The following C3orf85 variants were observed in gnomAD, a reference collection of about 807,000 sequenced individuals.
C3orf85 encodes chromosome 3 open reading frame 85.
A neutral mutation model predicts 1.7 loss-of-function variants in C3orf85; 1 was observed. The ratio of observed to expected loss-of-function variants is 0.60; its 90% confidence interval spans 0.21 to 2.86. The LOEUF (loss-of-function observed/expected upper bound fraction) is 2.86, where lower values mean the gene tolerates loss of function less well. C3orf85 is among the 30% of genes most tolerant of loss of function. The probability of loss-of-function intolerance (pLI) is 0.22; values close to 1 mark genes in which losing one functional copy is unlikely to be tolerated. For missense variants in C3orf85, 29 were observed against 21.3 expected (o/e 1.36, Z -0.72); for synonymous variants, 17 against 8.0 (o/e 2.13, Z -1.90).
At position 109,136,730 on chromosome 3, in the gene C3orf85, C is replaced by G. The variant is rs1025840306; in HGVS notation, c.-16C>G. ...CAGCCTCTCTCTGTGTCTCAGCTCA[C>G]AGGGCTTCCAGGTATGCAACAAATG... is the stretch of plus-strand genomic sequence containing the variant. On this transcript the variant is annotated 5_prime_UTR_variant, in exon 1 of 4. Transcript: ENST00000622536. 6.3e-5 allele frequency: 25 copies of G among 396,460 alleles called. 1 individual carries two copies. Among genetic ancestry groups the G allele is most frequent in the African/African-American group, 5.1e-4 (25 of 48,574 alleles). The allele number at this position is 396,460 out of a possible 1,614,324, so 24.6% of individuals were successfully genotyped here.
At chr3:109,148,680 A>G in intron 3 of C3orf85, 1 of 324,558 alleles carries the variant, frequency 3.1e-6, no homozygotes, top group Non-Finnish European at 5.7e-6. Context: ...ATAGCTCTCA[A>G]AATGTCAATT....
At chr3:109,146,956 C>A (rs1302268957) in intron 2 of C3orf85, among the ~76,000 whole-genome samples, 3 of 152,116 alleles carry the variant, frequency 2.0e-5, no homozygotes, top group Non-Finnish European at 4.4e-5. Flanking sequence ...TGGCATCTGT[C>A]ACTAATACCT....
At chr3:109,145,873 T>C (rs1706791932) in intron 2 of C3orf85, among the ~76,000 whole-genome samples, 1 of 152,164 alleles carries the variant, frequency 6.6e-6, no homozygotes, top group Admixed American at 6.5e-5. Context: ...CAACCCTGAA[T>C]CTTCCTTTGC....
chr3:109,140,303 G>A (rs1177644803), intron 2 of C3orf85, among the ~76,000 whole-genome samples: 1 of 152,190 alleles, frequency 6.6e-6, no homozygotes, highest in Non-Finnish European at 1.5e-5. Flanking sequence ...TGGACGAAAA[G>A]GAAAACGGTA....
chr3:109,137,076 G>GTGTGTA (rs754552457), intron 2 of C3orf85, among the ~76,000 whole-genome samples, 180 bp downstream of exon 2: 4 of 47,244 alleles, frequency 8.5e-5, no homozygotes, highest in African/African-American at 1.4e-4. Flanking sequence ...TTAACTGTGT[G>GTGTGTA]TGTGTGTGTG....
chr3:109,150,080 A>C lies in C3orf85; in HGVS notation c.*186A>C. On this transcript the variant is annotated 3_prime_UTR_variant, in exon 4 of 4. Coordinates refer to ENST00000622536, the MANE Select transcript of C3orf85 (RefSeq NM_001351622.2). ...CCCATGTAGGAAACTGGAATAAGACATTCTCAATAAATGGTAGTTCTCAAA... is the reference window on the plus strand; with the variant it reads ...CCCATGTAGGAAACTGGAATAAGACCTTCTCAATAAATGGTAGTTCTCAAA... 2.8e-6 allele frequency: 1 copy of C among 355,764 alleles called. No individual in the cohort carries two copies. 22.0% of individuals were successfully genotyped at this position (355,764 alleles called of 1,614,324 possible).
intron 2 of C3orf85, among the ~76,000 whole-genome samples, chr3:109,137,354 G>A (rs1363335522): frequency 6.6e-6 from 1 of 151,910 alleles, no homozygotes; most frequent in African/African-American, 2.4e-5. Context: ...GAGGCCAGGC[G>A]ATTTGCTGCC....
chr3:109,142,954 T>C (rs1706756912), intron 2 of C3orf85, among the ~76,000 whole-genome samples: 1 of 152,182 alleles, frequency 6.6e-6, no homozygotes, highest in East Asian at 1.9e-4. Flanking sequence ...ACCCCCAAAT[T>C]TGGCAAATTT....
At chr3:109,137,635 G>GTATATATATATATA (rs1436615146) in intron 2 of C3orf85, among the ~76,000 whole-genome samples, 21 of 48,802 alleles carry the variant, frequency 4.3e-4, no homozygotes, top group African/African-American at 8.7e-4. Flanking sequence ...GTGTGTGTGT[G>GTATATATATATATA]TGTATATATA....
intron 2 of C3orf85, among the ~76,000 whole-genome samples, chr3:109,142,716 T>TC (rs993257279): frequency 5.3e-5 from 8 of 151,664 alleles, no homozygotes; most frequent in African/African-American, 1.7e-4. Flanking sequence ...TTTTTTTTTT[T>TC]CTCCCTCCTT....
chr3:109,145,027 C>T (rs1377583213), intron 2 of C3orf85, among the ~76,000 whole-genome samples: 2 of 152,302 alleles, frequency 1.3e-5, no homozygotes, highest in South Asian at 4.1e-4. Flanking sequence ...TTAGTCCACA[C>T]TGGTCAGCCC....
rs1214434713 is a variant in C3orf85, at chr3:109,148,720, C to A, written c.183+334C>A. The A allele has an allele frequency of 1.1e-5, 3 of 269,292 alleles. No individual in the cohort carries two copies. The East Asian group carries it at 2.9e-4, about 26-fold the overall frequency. The allele number at this position is 269,292 out of a possible 1,614,324, so 16.7% of individuals were successfully genotyped here. A position where few individuals can be genotyped will look rare whatever the true frequency, so the allele number is the denominator to read the frequency against. On this transcript the variant is annotated intron_variant, in intron 3 of 3. Transcript: ENST00000622536. The stretch of plus-strand genomic sequence containing the variant: ...TTACTTGTTTTGTGTACCCAACCTA[C>A]CTACCTAGACTATAAAGGTAGGGTC...
chr3:109,136,823 C>G (rs1706682165), intron 1 of C3orf85, 21 bp from the exon 2 acceptor site: 4 of 381,368 alleles, frequency 1.0e-5, no homozygotes, highest in Middle Eastern at 3.3e-4. Flanking sequence ...GTAAATAAAT[C>G]TTTTTTTTTT....
intron 2 of C3orf85, among the ~76,000 whole-genome samples, chr3:109,145,984 G>A (rs148262534): frequency 2.0e-5 from 3 of 152,276 alleles, no homozygotes; most frequent in African/African-American, 4.8e-5. Flanking sequence ...AATCTTTGAA[G>A]CTCAACTCAA....
At chr3:109,145,863 C>A (rs986768386) in intron 2 of C3orf85, among the ~76,000 whole-genome samples, 8 of 152,214 alleles carry the variant, frequency 5.3e-5, no homozygotes, top group East Asian at 3.9e-4. Context: ...TGAAAGTCAC[C>A]AACCCTGAAT....
intron 2 of C3orf85, chr3:109,146,184 T>A (rs961416697): frequency 6.6e-6 from 1 of 152,230 alleles, no homozygotes; most frequent in African/African-American, 2.4e-5. Flanking sequence ...TGTTTATCTT[T>A]CCATGCAATG....
intron 3 of C3orf85, chr3:109,149,266 T>C (rs1467835282): frequency 1.3e-5 from 2 of 152,162 alleles, no homozygotes; most frequent in Admixed American, 1.3e-4. Flanking sequence ...TGAATGTCCT[T>C]GTTTTCATGG....
chr3:109,147,674 C>T (rs561269247), intron 2 of C3orf85, among the ~76,000 whole-genome samples: 43 of 152,038 alleles, frequency 2.8e-4, no homozygotes, highest in African/African-American at 9.9e-4. Context: ...CAAGGTGGTT[C>T]GATTTGATGG....
intron 2 of C3orf85, among the ~76,000 whole-genome samples, chr3:109,145,931 G>A (rs747514151): frequency 1.3e-5 from 2 of 152,092 alleles, no homozygotes; most frequent in South Asian, 2.1e-4. Context: ...GAATACATGC[G>A]CTTTGCTTCC....
Sources: gnomAD v4.1 joint callset for allele counts (sites outside exome capture counted in the v4.1 genomes callset) on GRCh38, gnomAD v4.1.1 for gene constraint, MANE v1.5 for transcripts, NCBI Gene and HGNC (gene_info 2026-07-23, HGNC 2026-07-21) for gene names.